ASIC2: variants seen among roughly 807,000 people sequenced by gnomAD.
ASIC2 encodes the protein acid-sensing ion channel 2.
Under a neutral mutation model 57.3 loss-of-function variants are expected in ASIC2, and 25 were observed. The ratio of observed to expected loss-of-function variants is 0.44; its 90% CI spans 0.32 to 0.61. The LOEUF (loss-of-function observed/expected upper bound fraction) is 0.61, where lower values mean the gene tolerates loss of function less well. ASIC2 is among the 20% of genes least tolerant of loss of function. The pLI, the probability that ASIC2 is intolerant of heterozygous loss-of-function variation, is 0.06. For synonymous variants in ASIC2, 319 were observed against 307.5 expected, an observed-to-expected ratio of 1.04 and a Z score of -0.39; for missense variants, 641 against 738.1, an observed-to-expected ratio of 0.87 and a Z score of 1.52.
intron 1 of ASIC2, among the ~76,000 whole-genome samples, chr17:34,076,280 C>T (rs191714909): frequency 6.0e-4 from 92 of 152,288 alleles, no homozygotes; most frequent in Admixed American, 1.7e-3. Context: ...GCTGGGATTA[C>T]AGCTGTGAGC....
chr17:33,475,046 G>T (rs971826418), intron 1 of ASIC2, among the ~76,000 whole-genome samples: 3 of 152,092 alleles, frequency 2.0e-5, no homozygotes, highest in Non-Finnish European at 4.4e-5. Context: ...ATGCTAGGAA[G>T]TGCACATTTT....
At chr17:33,139,227 A>AG (rs1414820072) in intron 1 of ASIC2, among the ~76,000 whole-genome samples, 1 of 152,162 alleles carries the variant, frequency 6.6e-6, no homozygotes, top group Non-Finnish European at 1.5e-5. Flanking sequence ...TGCTGGGGAC[A>AG]GACTCTTTCC....
intron 1 of ASIC2, among the ~76,000 whole-genome samples, chr17:33,346,663 C>T (rs1238371256): frequency 2.6e-5 from 4 of 152,108 alleles, no homozygotes; most frequent in Non-Finnish European, 4.4e-5. Flanking sequence ...TGGATATTTG[C>T]AACTTGAGCT....
At chr17:33,799,431 T>TTTCTTTCTTTCTTTCTTTCTTTC (rs1912046912) in intron 1 of ASIC2, among the ~76,000 whole-genome samples, 12 of 22,556 alleles carry the variant, frequency 5.3e-4, no homozygotes, top group Non-Finnish European at 8.7e-4. Context: ...TTCTTTCTTC[T>TTTCTTTCTTTCTTTCTTTCTTTC]TTCTTTCTTT....
At chr17:33,877,287 A>C (rs1339147948) in intron 1 of ASIC2, among the ~76,000 whole-genome samples, 2 of 152,182 alleles carry the variant, frequency 1.3e-5, no homozygotes, top group African/African-American at 4.8e-5. Flanking sequence ...CAGTGGGTGC[A>C]GCACACCGAG....
chr17:33,023,999 T>C lies in ASIC2; in HGVS notation c.1211A>G (p.Lys404Arg). The C allele has an allele frequency of 6.2e-7, 1 of 1,614,122 alleles. No homozygotes were observed. Among genetic ancestry groups the C allele is most frequent in the Middle Eastern group, 1.6e-4 (1 of 6,062 alleles). ...AEPALGLLAE[K>R]DSNYCLCRTP... ...CCTGCAGAGACAGTAATTGCTGTCC[T>C]TTTCCGCCAACAGACCTGGAGGGGA... is the stretch of plus-strand genomic sequence containing the variant. Residue 404 changes from lysine (K) to arginine (R), a missense_variant, in exon 6 of 10, where the codon AAG (lysine) becomes AGG (arginine). Lys to Arg is a conservative substitution (Grantham distance 26). Transcript: ENST00000225823.
chr17:33,123,169 T>C (rs1301798455), intron 1 of ASIC2, among the ~76,000 whole-genome samples: 1 of 152,206 alleles, frequency 6.6e-6, no homozygotes, highest in African/African-American at 2.4e-5. Context: ...AAAATCAATA[T>C]GCTGAAGAGA....
At chr17:33,382,264 G>A (rs1157028105) in intron 1 of ASIC2, among the ~76,000 whole-genome samples, 3 of 152,176 alleles carry the variant, frequency 2.0e-5, no homozygotes, top group African/African-American at 7.2e-5. Context: ...TTCAAAACAG[G>A]ATGCAAACAG....
chr17:33,672,132 T>G (rs1907657016), intron 1 of ASIC2, among the ~76,000 whole-genome samples: 1 of 152,324 alleles, frequency 6.6e-6, no homozygotes, highest in African/African-American at 2.4e-5. Context: ...GCAGTCATTT[T>G]TCTTATACCT....
At chr17:34,101,079 A>G (rs888368962) in intron 1 of ASIC2, among the ~76,000 whole-genome samples, 7 of 152,236 alleles carry the variant, frequency 4.6e-5, no homozygotes, top group Admixed American at 4.6e-4. Context: ...TGCCTGAAAT[A>G]TAATTCACAT....
chr17:33,732,450 C>A (rs1909771263), intron 1 of ASIC2, among the ~76,000 whole-genome samples: 1 of 151,324 alleles, frequency 6.6e-6, no homozygotes, highest in Admixed American at 6.6e-5. Context: ...ATCTCTATAC[C>A]TCCATGTTCT....
intron 1 of ASIC2, chr17:34,038,308 T>C: frequency 1.2e-6 from 2 of 1,609,438 alleles, no homozygotes; most frequent in Non-Finnish European, 1.7e-6. Flanking sequence ...CACAGTATTC[T>C]AATACTGTAC....
chr17:33,469,125 G>C (rs1057319264), intron 1 of ASIC2, among the ~76,000 whole-genome samples: 4 of 152,216 alleles, frequency 2.6e-5, no homozygotes, highest in African/African-American at 9.6e-5. Flanking sequence ...TAAGCAGTGG[G>C]TAAGACATGG....
chr17:33,221,859 C>T (rs901558537), intron 1 of ASIC2, among the ~76,000 whole-genome samples: 25 of 74,698 alleles, frequency 3.3e-4, no homozygotes, highest in Admixed American at 2.8e-3. Context: ...CCCTGCTAGC[C>T]CGATAGATGT....
At chr17:33,595,328 T>C (rs1904948536) in intron 1 of ASIC2, among the ~76,000 whole-genome samples, 1 of 152,198 alleles carries the variant, frequency 6.6e-6, no homozygotes, top group Non-Finnish European at 1.5e-5. Context: ...CAGAGGGTTA[T>C]TAGGTCTGGA....
intron 1 of ASIC2, among the ~76,000 whole-genome samples, chr17:33,796,076 A>G (rs1013777481): frequency 1.3e-5 from 2 of 152,232 alleles, no homozygotes; most frequent in African/African-American, 4.8e-5. Context: ...TCCACTTAAT[A>G]GGCCAAGTGC....
At chr17:33,140,993 C>G (rs183664498) in intron 1 of ASIC2, among the ~76,000 whole-genome samples, 43 of 152,374 alleles carry the variant, frequency 2.8e-4, no homozygotes, top group African/African-American at 1.0e-3. Context: ...CAGAGCAACA[C>G]AGTGGGCTCC....
At chr17:34,086,956 T>A (rs1487746513) in intron 1 of ASIC2, among the ~76,000 whole-genome samples, 1 of 152,220 alleles carries the variant, frequency 6.6e-6, no homozygotes, top group African/African-American at 2.4e-5. Flanking sequence ...ATGGGTTTCC[T>A]GAATACAGCA....
chr17:34,026,853 C>T (rs964270919), intron 1 of ASIC2, among the ~76,000 whole-genome samples: 2 of 152,184 alleles, frequency 1.3e-5, no homozygotes, highest in African/African-American at 2.4e-5. Flanking sequence ...GGGAAAGGCT[C>T]GGCCATGCAG....
Sources: gnomAD v4.1 joint callset for allele counts (sites outside exome capture counted in the v4.1 genomes callset) on GRCh38, gnomAD v4.1.1 for gene constraint, MANE v1.5 for transcripts, NCBI Gene and HGNC (gene_info 2026-07-23, HGNC 2026-07-21) for gene names.